DMRT1: variants seen among roughly 807,000 people sequenced by gnomAD.
DMRT1 encodes doublesex and mab-3 related transcription factor 1.
DMRT1 carries 7 observed loss-of-function variants against 32.3 expected under a neutral mutation model. The ratio of observed to expected loss-of-function variants is 0.22; its 90% CI spans 0.12 to 0.41. The LOEUF (loss-of-function observed/expected upper bound fraction) is 0.41, where lower values mean the gene tolerates loss of function less well. Among genes scored for constraint, DMRT1 ranks in the 10% least tolerant of loss-of-function variants. The pLI is 1.00. For synonymous variants in DMRT1, 278 were observed against 206.1 expected (o/e 1.35, Z -2.99); for missense variants, 625 against 500.5 (o/e 1.25, Z -2.37).
chr9:906,744 G>A (rs1564241761), intron 3 of DMRT1, among the ~76,000 whole-genome samples: 1 of 152,198 alleles, frequency 6.6e-6, no homozygotes, highest in Non-Finnish European at 1.5e-5. Context: ...ACAATGCGAA[G>A]AGTTGTTAAA....
chr9:955,533 T>C (rs1271158062), intron 4 of DMRT1, among the ~76,000 whole-genome samples: 1 of 152,120 alleles, frequency 6.6e-6, no homozygotes, highest in African/African-American at 2.4e-5. Context: ...GGCGAAACCC[T>C]GCCTCTACTA....
At chr9:904,600 A>G (rs1348276236) in intron 3 of DMRT1, among the ~76,000 whole-genome samples, 1 of 152,230 alleles carries the variant, frequency 6.6e-6, no homozygotes, top group Non-Finnish European at 1.5e-5. Context: ...GCACTGTGCT[A>G]GAGACTCTCA....
At chr9:909,530 A>T (rs1282269073) in intron 3 of DMRT1, among the ~76,000 whole-genome samples, 1 of 152,124 alleles carries the variant, frequency 6.6e-6, no homozygotes, top group Non-Finnish European at 1.5e-5. Flanking sequence ...CCATCATTTA[A>T]TGAGGGTAAA....
intron 4 of DMRT1, among the ~76,000 whole-genome samples, chr9:940,322 A>G (rs1383392605): frequency 2.0e-5 from 3 of 152,208 alleles, no homozygotes; most frequent in Admixed American, 1.3e-4. Flanking sequence ...GTGCCCATCA[A>G]CAGAAGAACA....
chr9:916,854 C>A lies in DMRT1; in HGVS notation c.914C>A (p.Pro305His), dbSNP rs750737315. ...PPPSYLGQSV[P>H]QFFTFEDAPS... is the part of the protein sequence containing the mutation. ...CCCTCTTACCTGGGCCAGAGCGTGC[C>A]CCAGTTCTTCACTTTTGAGGATGCT... The change falls in exon 4 of 5, where the codon CCC becomes CAC. Residue 305 changes from proline (P) to histidine (H), a missense_variant. Transcript: ENST00000382276. 6.8e-6 allele frequency: 11 copies of A among 1,614,060 alleles called. No homozygotes were observed. The South Asian group carries it at 1.1e-4, about 16-fold the overall frequency.
chr9:848,617 G>C (rs1350196094), intron 2 of DMRT1, among the ~76,000 whole-genome samples: 1 of 141,174 alleles, frequency 7.1e-6, no homozygotes, highest in African/African-American at 2.6e-5. Context: ...GCAGTGGTGT[G>C]ATCTTGGCTC....
chr9:860,049 C>T (rs1303717002), intron 2 of DMRT1, among the ~76,000 whole-genome samples: 2 of 152,160 alleles, frequency 1.3e-5, no homozygotes, highest in Admixed American at 1.3e-4. Flanking sequence ...GTAATCCCAG[C>T]ACTTTGGGAG....
chr9:967,931 T>C, intron 4 of DMRT1, 54 bp from the exon 5 acceptor site: 3 of 1,487,342 alleles, frequency 2.0e-6, no homozygotes, highest in South Asian at 1.2e-5. Flanking sequence ...CCAGCCACTT[T>C]TAACATTACT....
chr9:911,217 G>C (rs922112788), intron 3 of DMRT1, among the ~76,000 whole-genome samples: 3 of 152,128 alleles, frequency 2.0e-5, no homozygotes, highest in Admixed American at 2.0e-4. Flanking sequence ...CTAGATGCCA[G>C]CATCAACTCC....
Position 853,380 on chromosome 9 carries a change from C to G in DMRT1, c.538+6237C>G, listed in dbSNP as rs546619004. Among the ~76,000 whole-genome samples, 21 of 152,082 alleles carry G rather than the reference C, an allele frequency of 1.4e-4. No homozygotes were observed. The South Asian group carries it at 3.7e-3, about 27-fold the overall frequency. On this transcript the variant is annotated intron_variant, in intron 2 of 4. Transcript: ENST00000382276. ...CAGCATTGCCACTGTCCTAAAAATT[C>G]TCTGTGGGGTTATTTAAATTTAAGA... is the stretch of plus-strand genomic sequence containing the variant.
intron 4 of DMRT1, among the ~76,000 whole-genome samples, chr9:932,626 C>T (rs1818761647): frequency 1.3e-5 from 2 of 152,082 alleles, no homozygotes; most frequent in African/African-American, 4.8e-5. Context: ...CTGAAGTTGG[C>T]CCAGATGCCA....
intron 2 of DMRT1, among the ~76,000 whole-genome samples, chr9:880,645 G>C (rs770632434): frequency 3.4e-5 from 5 of 147,524 alleles, no homozygotes; most frequent in Non-Finnish European, 5.9e-5. Flanking sequence ...AGAATTGCTT[G>C]AACCTGGGAG....
In DMRT1 at chr9:968,107, A is replaced by T; in HGVS notation, c.1090A>T (p.Thr364Ser). Reference sequence around the variant, plus strand: ...GCCTGCGTCGGAGCCCAGCAGCTTCACAGTCACTCCCGTCATCGAGGAGGA... The same window carrying T: ...GCCTGCGTCGGAGCCCAGCAGCTTCTCAGTCACTCCCGTCATCGAGGAGGA... ...CEPASEPSSF[T>S]VTPVIEEDE is the part of the protein sequence containing the mutation. The change falls in exon 5 of 5, where the codon ACA becomes TCA. Residue 364 changes from threonine to serine, a missense_variant. By Grantham distance (58) the Thr-to-Ser change is moderately conservative. This residue lies in a region of DMRT1 where 416 missense variants were observed against 321.6 expected (regional missense o/e 1.29). Transcript: ENST00000382276. 1.2e-6 allele frequency: 2 copies of T among 1,614,166 alleles called. No homozygotes were observed. Among genetic ancestry groups the T allele is most frequent in the Non-Finnish European group, 1.7e-6 (2 of 1,180,054 alleles).
chr9:967,995 G>A lies in DMRT1; in HGVS notation c.978G>A (p.Pro326=), dbSNP rs773407897. Residue 326 remains proline, a synonymous_variant, in exon 5 of 5, where the codon CCG becomes CCA. Coordinates refer to ENST00000382276, the MANE Select transcript of DMRT1 (RefSeq NM_021951.3). ...YPEARASVFS[P]PSSQDSGLVS... is the part of the protein sequence containing the mutation. ...CACCTCACTTCGCAGTATTCTCGCC[G>A]CCCAGCAGTCAAGATTCTGGCTTGG... 13 of 1,613,222 alleles carry A rather than the reference G, an allele frequency of 8.1e-6. No homozygotes were observed. The highest frequency in any genetic ancestry group is 1.1e-5 in the South Asian group (1 of 91,026).
At chr9:967,466 C>T (rs781459517) in intron 4 of DMRT1, among the ~76,000 whole-genome samples, 67 of 152,270 alleles carry the variant, frequency 4.4e-4, no homozygotes, top group Non-Finnish European at 9.1e-4. Flanking sequence ...ACATCCCTTT[C>T]CCCCGTCTTT....
chr9:875,895 G>C (rs2132619346), intron 2 of DMRT1, among the ~76,000 whole-genome samples: 1 of 152,114 alleles, frequency 6.6e-6, no homozygotes, highest in East Asian at 1.9e-4. Flanking sequence ...GAAAATAGCT[G>C]CGTCCGGTGT....
At chr9:957,232 TATC>T (rs1200677160) in intron 4 of DMRT1, among the ~76,000 whole-genome samples, 1 of 152,188 alleles carries the variant, frequency 6.6e-6, no homozygotes, top group Admixed American at 6.5e-5. Flanking sequence ...CAATTAAAAA[TATC>T]ATAAACACCT....
rs1053526648 is a variant in DMRT1, at chr9:919,240, A to G, written c.967+2333A>G. On this transcript the variant is annotated intron_variant, in intron 4 of 4. Coordinates refer to ENST00000382276, the MANE Select transcript of DMRT1 (RefSeq NM_021951.3). ...AAAGACAGTGTTTTCAGTAGGTTTA[A>G]TGTCTTCTTTAAAGTCTTATTTAAG... Among the ~76,000 whole-genome samples the G allele has an allele frequency of 8.5e-5, 13 of 152,314 alleles. No individual in the cohort carries two copies. In the South Asian group the frequency reaches 2.7e-3, roughly 32 times the overall value.
rs1316383010 is a variant in DMRT1, at chr9:861,749, C to T, written c.538+14606C>T. 1.4e-4 allele frequency among the ~76,000 whole-genome samples: 20 copies of T among 145,824 alleles called. No individual in the cohort carries two copies. The East Asian group carries it at 1.5e-3, about 11-fold the overall frequency. On this transcript the variant is annotated intron_variant, in intron 2 of 4. Coordinates refer to ENST00000382276, the MANE Select transcript of DMRT1 (RefSeq NM_021951.3). ...CAGGGGCTGCCCCCCACCTCCTGGA[C>T]GGGGCGGCTGCTGGGCGGAGATGCT... is the stretch of plus-strand genomic sequence containing the variant.
Sources: gnomAD v4.1 joint callset for allele counts (sites outside exome capture counted in the v4.1 genomes callset) on GRCh38, gnomAD v4.1.1 for gene constraint, gnomAD v4.1.1 regional missense constraint, MANE v1.5 for transcripts, NCBI Gene and HGNC (gene_info 2026-07-23, HGNC 2026-07-21) for gene names.